ATXN10: variants seen among roughly 807,000 people sequenced by gnomAD.
ATXN10 encodes ataxin-10.
A neutral mutation model predicts 52.9 loss-of-function variants in ATXN10; 28 were observed. The ratio of observed to expected loss-of-function variants is 0.53; its 90% CI spans 0.39 to 0.73. ATXN10 has a LOEUF of 0.73. Ranked by LOEUF, ATXN10 falls within the 30% of genes least tolerant of loss-of-function variation. The probability of loss-of-function intolerance (pLI) is 0.00; values close to 1 mark genes in which losing one functional copy is unlikely to be tolerated. For missense variants in ATXN10, 565 were observed against 577.0 expected (o/e 0.98, Z 0.21); for synonymous variants, 226 against 221.5 (o/e 1.02, Z -0.18).
chr22:45,736,600 G>A (rs1569042742), intron 7 of ATXN10, among the ~76,000 whole-genome samples: 1 of 152,022 alleles, frequency 6.6e-6, no homozygotes, highest in East Asian at 1.9e-4. Context: ...TGGAGAAACT[G>A]GGTTGTTTTT....
In ATXN10 at chr22:45,826,958, T is replaced by C. The variant is rs1391869324; in HGVS notation, c.1238-16033T>C. Among the ~76,000 whole-genome samples, 6 of 152,248 alleles carry C rather than the reference T, an allele frequency of 3.9e-5. No homozygotes were observed. Among genetic ancestry groups the C allele is most frequent in the African/African-American group, 1.2e-4 (5 of 41,470 alleles). On this transcript the variant is annotated intron_variant, in intron 10 of 11. Coordinates refer to ENST00000252934, the MANE Select transcript of ATXN10 (RefSeq NM_013236.4). The surrounding 1 kb of genome is among the most constrained non-coding windows in gnomAD (Gnocchi z 5.0). Reference sequence around the variant, plus strand: ...CTAATGTGTCTGAAAGGATTACTAGTTTATTTTTGGGGTACACAGCATATA... The same window carrying C: ...CTAATGTGTCTGAAAGGATTACTAGCTTATTTTTGGGGTACACAGCATATA...
intron 9 of ATXN10, among the ~76,000 whole-genome samples, chr22:45,761,653 CTTTA>C (rs1380518633): frequency 6.6e-6 from 1 of 152,132 alleles, no homozygotes; most frequent in Non-Finnish European, 1.5e-5. Context: ...AGCCTTTGCT[CTTTA>C]TTTATCTATT....
rs976370692 is a variant in ATXN10 at position 45,671,966 on chromosome 22, C to T, written c.-98C>T. ...TGTGTAGGGCGAGGCCTCCCCCTTC[C>T]TCCTCGCCATCCTACTCCTCCCTCC... On this transcript the variant is annotated 5_prime_UTR_variant, in exon 1 of 12. Coordinates refer to ENST00000252934, the MANE Select transcript of ATXN10 (RefSeq NM_013236.4). The T allele has an allele frequency of 2.6e-5, 36 of 1,371,724 alleles. No homozygotes were observed. In the African/African-American group the frequency reaches 3.5e-4, roughly 13 times the overall value. The allele number at this position is 1,371,724 out of a possible 1,614,324, so 85.0% of individuals were successfully genotyped here.
In ATXN10 at chr22:45,697,341, G is replaced by T. The variant is rs113457418; in HGVS notation, c.392-2941G>T. Among the ~76,000 whole-genome samples, 1,369 of 152,010 alleles carry T rather than the reference G, an allele frequency of 9.0e-3. 13 individuals carry two copies. Among genetic ancestry groups the T allele is most frequent in the African/African-American group, 0.031 (1,276 of 41,464 alleles). ...GTAGAGATGGAGTTTCACCACATTG[G>T]CCAGGCTGGTCTCGAACTCCTGACT... is the stretch of plus-strand genomic sequence containing the variant. On this transcript the variant is annotated intron_variant, in intron 3 of 11. Coordinates refer to ENST00000252934, the MANE Select transcript of ATXN10 (RefSeq NM_013236.4).
Position 45,770,971 on chromosome 22 carries a change from A to G in ATXN10, c.1173+30433A>G, listed in dbSNP as rs1417459615. Among the ~76,000 whole-genome samples, 1 of 152,230 alleles carries G rather than the reference A, an allele frequency of 6.6e-6. No homozygotes were observed. Among genetic ancestry groups the G allele is most frequent in the Non-Finnish European group, 1.5e-5 (1 of 68,048 alleles). On this transcript the variant is annotated intron_variant, in intron 9 of 11. Transcript: ENST00000252934. The surrounding 1 kb of genome is among the most constrained non-coding windows in gnomAD (Gnocchi z 4.5). ...ATCCATCCTGGGAGCACTCGAGGCC[A>G]GCCCTTTTGGCTCTCTGCGGCTGCC... is the stretch of plus-strand genomic sequence containing the variant.
In ATXN10 at chr22:45,681,680, A is replaced by G. The variant is rs201790486; in HGVS notation, c.117-8032A>G. Among the ~76,000 whole-genome samples, 2 of 152,202 alleles carry G rather than the reference A, an allele frequency of 1.3e-5. No homozygotes were observed. The highest frequency in any genetic ancestry group is 3.8e-4 in the East Asian group (2 of 5,202). ...TAGCTGAACAAGGCTAGAGAAAAAC[A>G]TACAGCCGTGCAGACTGCTCTCACT... is the stretch of plus-strand genomic sequence containing the variant. On this transcript the variant is annotated intron_variant, in intron 1 of 11. Transcript: ENST00000252934. The surrounding 1 kb of genome is among the most constrained non-coding windows in gnomAD (Gnocchi z 4.2).
chr22:45,706,886 G>A (rs1924062531), intron 5 of ATXN10, among the ~76,000 whole-genome samples: 1 of 152,136 alleles, frequency 6.6e-6, no homozygotes, highest in Non-Finnish European at 1.5e-5. Flanking sequence ...AGGTCTGGTT[G>A]GCTAGATGGT....
chr22:45,808,141 T>C (rs1928162978), intron 10 of ATXN10, among the ~76,000 whole-genome samples: 1 of 152,108 alleles, frequency 6.6e-6, no homozygotes, highest in African/African-American at 2.4e-5. Flanking sequence ...GCAAATTTGG[T>C]TTAGTGCGTG....
At chr22:45,751,242 C>G (rs1405514497) in intron 9 of ATXN10, among the ~76,000 whole-genome samples, 1 of 152,154 alleles carries the variant, frequency 6.6e-6, no homozygotes, top group African/African-American at 2.4e-5. Flanking sequence ...CTTTGTTCTT[C>G]TTTTATACTT....
rs747653192 is a variant in ATXN10, at chr22:45,718,375, T to C, written c.648-38T>C. The stretch of plus-strand genomic sequence containing the variant: ...ATAAGGGCATGTCTCTTTTACTATG[T>C]TTCAAGTAACCAAACTTTCCTCCTC... On this transcript the variant is annotated intron_variant, in intron 5 of 11. Coordinates refer to ENST00000252934, the MANE Select transcript of ATXN10 (RefSeq NM_013236.4). This position sits in a 1 kb window ranked among gnomAD's most constrained non-coding sequence, Gnocchi z 4.4. The C allele has an allele frequency of 3.3e-6, 5 of 1,510,028 alleles. No individual in the cohort carries two copies. The African/African-American group carries it at 6.9e-5, about 21-fold the overall frequency. The allele number at this position is 1,510,028 out of a possible 1,614,324, so 93.5% of individuals were successfully genotyped here.
At position 45,715,895 on chromosome 22, in the gene ATXN10, T is replaced by C. The variant is rs13433657; in HGVS notation, c.648-2518T>C. On this transcript the variant is annotated intron_variant, in intron 5 of 11. Transcript: ENST00000252934. This position sits in a 1 kb window ranked among gnomAD's most constrained non-coding sequence, Gnocchi z 4.4. The stretch of plus-strand genomic sequence containing the variant: ...AACTTTTGGAAATTAACACATCTGA[T>C]TGATTTGTCAAAAAAGAAATCACAG... Among the ~76,000 whole-genome samples the C allele has an allele frequency of 0.023, 3,516 of 152,290 alleles. 156 individuals are homozygous for C. The highest frequency in any genetic ancestry group is 0.081 in the African/African-American group (3,371 of 41,540).
Position 45,727,028 on chromosome 22 carries a change from C to T in ATXN10, c.729-2397C>T, listed in dbSNP as rs2030433834. Among the ~76,000 whole-genome samples, 1 of 152,114 alleles carries T rather than the reference C, an allele frequency of 6.6e-6. No individual in the cohort carries two copies. Among genetic ancestry groups the T allele is most frequent in the Non-Finnish European group, 1.5e-5 (1 of 68,018 alleles). ...TCTTTGAGGTATGATGTTAGATTGT[C>T]AACTTGTGGTCTTTCAGACTTTTCG... On this transcript the variant is annotated intron_variant, in intron 6 of 11. Transcript: ENST00000252934. The surrounding 1 kb of genome is among the most constrained non-coding windows in gnomAD (Gnocchi z 4.6).
chr22:45,774,745 C>A lies in ATXN10; in HGVS notation c.1174-32214C>A, dbSNP rs1926892961. Among the ~76,000 whole-genome samples the A allele has an allele frequency of 6.6e-6, 1 of 152,200 alleles. No individual in the cohort carries two copies. The highest frequency in any genetic ancestry group is 2.4e-5 in the African/African-American group (1 of 41,446). ...GCCAGGAGTTTGAGACCAGCCTGAC[C>A]ACCATGGTGAAACCCTGTCTCTACT... On this transcript the variant is annotated intron_variant, in intron 9 of 11. Coordinates refer to ENST00000252934, the MANE Select transcript of ATXN10 (RefSeq NM_013236.4). The surrounding 1 kb of genome is among the most constrained non-coding windows in gnomAD (Gnocchi z 6.2).
At chr22:45,729,731 G>A (rs776429944) in intron 7 of ATXN10, 141 bp downstream of exon 7, 11 of 951,142 alleles carry the variant, frequency 1.2e-5, no homozygotes, top group Non-Finnish European at 3.3e-6. Context: ...AGAATAGTTG[G>A]AAAATTTAGA....
At position 45,729,430 on chromosome 22, in the gene ATXN10, C is replaced by G; in HGVS notation, c.734C>G (p.Thr245Arg). The G allele has an allele frequency of 1.9e-6, 3 of 1,614,006 alleles. No homozygotes were observed. Among genetic ancestry groups the G allele is most frequent in the Non-Finnish European group, 2.5e-6 (3 of 1,179,916 alleles). ...AAATCCTTTATGTTTTACAGAGTTA[C>G]ACTGTTAGACCTTATGATAGCCAAG... The part of the protein sequence containing the change: ...FPKLNNQERV[T>R]LLDLMIAKIT... Residue 245 changes from threonine (T) to arginine (R), a missense_variant, in exon 7 of 12, where the codon ACA becomes AGA. By Grantham distance (71) the Thr-to-Arg change is moderately conservative. Transcript: ENST00000252934.
intron 9 of ATXN10, among the ~76,000 whole-genome samples, chr22:45,751,763 A>AAATAATAAT (rs1165303275): frequency 6.2e-4 from 41 of 66,340 alleles, no homozygotes; most frequent in Non-Finnish European, 8.3e-4. Context: ...AATAAAAAAA[A>AAATAATAAT]AATAATAATA....
intron 9 of ATXN10, among the ~76,000 whole-genome samples, chr22:45,746,836 G>A (rs1286618916): frequency 6.6e-6 from 1 of 152,164 alleles, no homozygotes; most frequent in Non-Finnish European, 1.5e-5. Flanking sequence ...TGGGTAAATA[G>A]GTTATGGGTT....
At chr22:45,794,836 TATACAA>T (rs766613524) in intron 9 of ATXN10, among the ~76,000 whole-genome samples, 30 of 152,304 alleles carry the variant, frequency 2.0e-4, no homozygotes, top group Middle Eastern at 3.4e-3. Flanking sequence ...AAACCTGACC[TATACAA>T]ATATATACAA....
intron 5 of ATXN10, among the ~76,000 whole-genome samples, chr22:45,714,006 C>T (rs1325703228): frequency 6.6e-6 from 1 of 152,114 alleles, no homozygotes; most frequent in African/African-American, 2.4e-5. Context: ...AGAATAAATT[C>T]ATAAGTGCAA....
Sources: gnomAD v4.1 joint callset for allele counts (sites outside exome capture counted in the v4.1 genomes callset) on GRCh38, gnomAD v4.1.1 for gene constraint, Gnocchi (gnomAD v3.1) non-coding constraint, MANE v1.5 for transcripts, NCBI Gene and HGNC (gene_info 2026-07-23, HGNC 2026-07-21) for gene names.